SORCS2: variants seen among roughly 807,000 people sequenced by gnomAD.
SORCS2 encodes the protein VPS10 domain-containing receptor SorCS2.
In SORCS2, 100 loss-of-function variants were observed where a neutral mutation model predicts 141.6. That is an observed-to-expected ratio of 0.71 (90% CI 0.60 to 0.83). The LOEUF is 0.83. SORCS2 is among the 40% of genes least tolerant of loss of function. The pLI is 0.00. For synonymous variants in SORCS2, 789 were observed against 676.9 expected (o/e 1.17, Z -2.57); for missense variants, 1,646 against 1,560.2 (o/e 1.05, Z -0.93).
At chr4:7,524,413 C>T (rs1733533032) in intron 2 of SORCS2, among the ~76,000 whole-genome samples, 2 of 152,064 alleles carry the variant, frequency 1.3e-5, no homozygotes, top group Non-Finnish European at 2.9e-5. Context: ...GGACAAGCCA[C>T]GCGGGTTGTG....
At chr4:7,307,059 G>T (rs1717882534) in intron 1 of SORCS2, among the ~76,000 whole-genome samples, 1 of 152,168 alleles carries the variant, frequency 6.6e-6, no homozygotes, top group Admixed American at 6.5e-5. Context: ...GTTCTCAAGG[G>T]GTCCTGCTGT....
chr4:7,289,599 G>A (rs1006977150), intron 1 of SORCS2, among the ~76,000 whole-genome samples: 6 of 152,188 alleles, frequency 3.9e-5, no homozygotes, highest in Non-Finnish European at 7.3e-5. Flanking sequence ...CACAGAGACC[G>A]AGCTGCAGTT....
At chr4:7,672,730 T>A (rs1722869986) in intron 8 of SORCS2, among the ~76,000 whole-genome samples, 1 of 152,220 alleles carries the variant, frequency 6.6e-6, no homozygotes, top group Non-Finnish European at 1.5e-5. Context: ...TTCGTCTTAG[T>A]TCAACAAACC....
intron 8 of SORCS2, among the ~76,000 whole-genome samples, chr4:7,672,656 C>G (rs1259936560): frequency 6.6e-6 from 1 of 152,180 alleles, no homozygotes; most frequent in Non-Finnish European, 1.5e-5. Context: ...GACAGTCTCA[C>G]TTCCTCACTC....
intron 2 of SORCS2, among the ~76,000 whole-genome samples, chr4:7,398,443 T>G (rs183917253): frequency 6.6e-6 from 1 of 152,328 alleles, no homozygotes; most frequent in East Asian, 1.9e-4. Flanking sequence ...CTAAATTCAG[T>G]TTTTCTCCAA....
intron 3 of SORCS2, among the ~76,000 whole-genome samples, chr4:7,629,535 G>A (rs1202629384): frequency 6.6e-6 from 1 of 152,012 alleles, no homozygotes; most frequent in Non-Finnish European, 1.5e-5. Context: ...CTCACCCCTG[G>A]CCACTCTCCA....
At chr4:7,228,306 T>C (rs1711558818) in intron 1 of SORCS2, among the ~76,000 whole-genome samples, 1 of 152,146 alleles carries the variant, frequency 6.6e-6, no homozygotes, top group South Asian at 2.1e-4. Flanking sequence ...TCCAAATAAA[T>C]ACAGACGCAT....
chr4:7,680,319 C>T (rs975821125), intron 9 of SORCS2, among the ~76,000 whole-genome samples: 8 of 152,238 alleles, frequency 5.3e-5, no homozygotes, highest in South Asian at 2.1e-4. Flanking sequence ...CTCTCCCAGC[C>T]GCCGGCAGCT....
intron 2 of SORCS2, among the ~76,000 whole-genome samples, chr4:7,452,434 G>A (rs1728521360): frequency 6.6e-6 from 1 of 152,214 alleles, no homozygotes; most frequent in Non-Finnish European, 1.5e-5. Context: ...GAGCCACTGT[G>A]CTCGGCCTGG....
intron 1 of SORCS2, among the ~76,000 whole-genome samples, chr4:7,253,875 C>T (rs1358285349): frequency 1.3e-5 from 2 of 152,188 alleles, no homozygotes; most frequent in African/African-American, 4.8e-5. Flanking sequence ...CCTTGTGACC[C>T]GGGTCCCAGG....
At chr4:7,494,248 C>T (rs10937830) in intron 2 of SORCS2, among the ~76,000 whole-genome samples, 142,512 of 152,298 alleles carry the variant, frequency 0.94, 67,078 homozygotes, top group East Asian at 1. Flanking sequence ...GAGTGGTCCA[C>T]GCCATGAGCC....
intron 3 of SORCS2, among the ~76,000 whole-genome samples, chr4:7,562,225 G>T (rs1714641529): frequency 6.6e-6 from 1 of 152,142 alleles, no homozygotes; most frequent in Non-Finnish European, 1.5e-5. Context: ...CTGAAGTAGT[G>T]TCACAATGTG....
At chr4:7,723,582 A>G (rs1214312550) in intron 18 of SORCS2, 115 bp from the exon 19 acceptor site, 1 of 1,211,016 alleles carries the variant, frequency 8.3e-7, no homozygotes, top group Non-Finnish European at 1.2e-6. Flanking sequence ...ACTCATGTCA[A>G]GGAAGGGAGG....
intron 1 of SORCS2, among the ~76,000 whole-genome samples, chr4:7,275,181 T>G (rs1162311856): frequency 1.3e-5 from 2 of 152,206 alleles, no homozygotes; most frequent in East Asian, 3.8e-4. Flanking sequence ...TGTGGGTTGT[T>G]GGAGGCATTA....
intron 3 of SORCS2, among the ~76,000 whole-genome samples, chr4:7,562,305 T>C (rs1035698266): frequency 2.0e-5 from 3 of 150,916 alleles, no homozygotes; most frequent in African/African-American, 7.3e-5. Flanking sequence ...TGTGATCAGC[T>C]GCGTACACAA....
At chr4:7,314,800 GTTTTTTT>G (rs397880294) in intron 1 of SORCS2, among the ~76,000 whole-genome samples, 8 of 109,832 alleles carry the variant, frequency 7.3e-5, no homozygotes, top group African/African-American at 2.7e-4. Context: ...CCACTGTTCT[GTTTTTTT>G]TTTTTTTTTT....
intron 2 of SORCS2, chr4:7,433,725 T>A: frequency 6.2e-7 from 1 of 1,613,266 alleles, no homozygotes; most frequent in Non-Finnish European, 8.5e-7. Context: ...CGTCCCACTC[T>A]GGGGACGGCA....
At chr4:7,458,130 G>T (rs544170489) in intron 2 of SORCS2, among the ~76,000 whole-genome samples, 5 of 152,256 alleles carry the variant, frequency 3.3e-5, no homozygotes, top group African/African-American at 1.2e-4. Flanking sequence ...GGAGGGAAGG[G>T]TCTTCCGGAA....
intron 11 of SORCS2, among the ~76,000 whole-genome samples, chr4:7,696,216 G>A (rs886128614): frequency 5.3e-5 from 8 of 152,124 alleles, no homozygotes; most frequent in Non-Finnish European, 8.8e-5. Context: ...TGATATACAA[G>A]TCACCCAGGG....
Sources: allele counts gnomAD v4.1 joint callset (sites outside exome capture counted in the v4.1 genomes callset), GRCh38; gene constraint gnomAD v4.1.1; transcripts MANE v1.5; gene names NCBI Gene and HGNC (gene_info 2026-07-23, HGNC 2026-07-21).